The following LRRC4C variants were observed in gnomAD, a reference collection of about 807,000 sequenced individuals.
LRRC4C encodes leucine-rich repeat-containing protein 4C.
Under a neutral mutation model 33.6 loss-of-function variants are expected in LRRC4C, and 5 were observed. The ratio of observed to expected loss-of-function variants is 0.15; its 90% CI spans 0.08 to 0.31. LRRC4C has a LOEUF of 0.31. LRRC4C is among the 10% of genes least tolerant of loss of function. The pLI is 1.00. For synonymous variants in LRRC4C, 329 were observed against 302.0 expected, an observed-to-expected ratio of 1.09 and a Z score of -0.93; for missense variants, 560 against 796.7, an observed-to-expected ratio of 0.70 and a Z score of 3.58.
intron 2 of LRRC4C, among the ~76,000 whole-genome samples, chr11:40,736,860 GTTT>G (rs34208575): frequency 2.6e-4 from 37 of 142,432 alleles, no homozygotes; most frequent in South Asian, 6.6e-4. Context: ...TGATGCGGTT[GTTT>G]TTTTTTTTTT....
At chr11:40,712,807 C>A (rs1946530915) in intron 2 of LRRC4C, among the ~76,000 whole-genome samples, 1 of 151,898 alleles carries the variant, frequency 6.6e-6, no homozygotes, top group South Asian at 2.1e-4. Context: ...GATTAATAAA[C>A]CAAAGAGCAT....
At chr11:40,865,528 T>C (rs1954320345) in intron 2 of LRRC4C, among the ~76,000 whole-genome samples, 1 of 151,120 alleles carries the variant, frequency 6.6e-6, no homozygotes, top group Non-Finnish European at 1.5e-5. Flanking sequence ...TATATATATA[T>C]ATATAATTTC....
At chr11:40,332,661 C>T (rs1372516572) in intron 3 of LRRC4C, among the ~76,000 whole-genome samples, 2 of 152,112 alleles carry the variant, frequency 1.3e-5, no homozygotes, top group East Asian at 3.9e-4. Context: ...GTGTCTTATT[C>T]TTTCCACTTT....
chr11:40,923,236 C>T (rs1039909295), intron 2 of LRRC4C, among the ~76,000 whole-genome samples: 3 of 152,178 alleles, frequency 2.0e-5, no homozygotes, highest in African/African-American at 7.2e-5. Flanking sequence ...AAAGATCTAA[C>T]AATCAACGTG....
chr11:40,571,319 AT>A (rs202196595), intron 3 of LRRC4C, among the ~76,000 whole-genome samples: 39 of 151,764 alleles, frequency 2.6e-4, no homozygotes, highest in Non-Finnish European at 5.3e-4. Context: ...ACCGATGTTA[AT>A]TTTTTTTTAA....
chr11:40,420,796 A>G (rs1038572636), intron 3 of LRRC4C, among the ~76,000 whole-genome samples: 2 of 152,200 alleles, frequency 1.3e-5, no homozygotes, highest in Non-Finnish European at 2.9e-5. Flanking sequence ...TTTTGTTCAA[A>G]TGTTAAAGTC....
At chr11:41,112,660 T>C (rs76910067) in intron 1 of LRRC4C, among the ~76,000 whole-genome samples, 1,649 of 152,170 alleles carry the variant, frequency 0.011, 38 homozygotes, top group African/African-American at 0.038. Context: ...AATCATGTAC[T>C]CTCCTTTCTG....
chr11:40,414,584 A>G (rs1462828472), intron 3 of LRRC4C, among the ~76,000 whole-genome samples: 1 of 152,154 alleles, frequency 6.6e-6, no homozygotes, highest in Non-Finnish European at 1.5e-5. Context: ...TACAAAAGAA[A>G]GTAAATAGCA....
At chr11:41,383,295 A>G (rs1953228021) in intron 1 of LRRC4C, among the ~76,000 whole-genome samples, 1 of 152,082 alleles carries the variant, frequency 6.6e-6, no homozygotes, top group Admixed American at 6.6e-5. Context: ...GGAATTTGCC[A>G]TGACAGCTGG....
At chr11:40,631,564 A>C (rs148007435) in intron 3 of LRRC4C, among the ~76,000 whole-genome samples, 1 of 152,174 alleles carries the variant, frequency 6.6e-6, no homozygotes, top group South Asian at 2.1e-4. Context: ...AGTTATTTAT[A>C]TGTGGGAGGC....
intron 4 of LRRC4C, among the ~76,000 whole-genome samples, chr11:40,304,063 T>C (rs769780558): frequency 6.6e-6 from 1 of 152,124 alleles, no homozygotes; most frequent in African/African-American, 2.4e-5. Context: ...AATACAACAT[T>C]GAAAAAATGT....
At chr11:40,490,205 T>A (rs1954076622) in intron 3 of LRRC4C, among the ~76,000 whole-genome samples, 1 of 152,212 alleles carries the variant, frequency 6.6e-6, no homozygotes, top group South Asian at 2.1e-4. Flanking sequence ...TGGAGCTTTT[T>A]CACAAAGTTG....
At chr11:41,098,454 C>A (rs1408171051) in intron 1 of LRRC4C, among the ~76,000 whole-genome samples, 1 of 152,110 alleles carries the variant, frequency 6.6e-6, no homozygotes, top group Non-Finnish European at 1.5e-5. Context: ...AGGTGACTGG[C>A]TTTCTGCAAA....
intron 5 of LRRC4C, among the ~76,000 whole-genome samples, chr11:40,235,172 G>A (rs895665542): frequency 6.6e-6 from 1 of 152,184 alleles, no homozygotes; most frequent in Admixed American, 6.5e-5. Context: ...ACTATCTTGT[G>A]GCAGGACAAT....
intron 3 of LRRC4C, among the ~76,000 whole-genome samples, chr11:40,378,423 G>A (rs2137319378): frequency 6.6e-6 from 1 of 151,872 alleles, no homozygotes; most frequent in African/African-American, 2.4e-5. Context: ...TGCTTTGTAG[G>A]CATATTAGAT....
chr11:40,905,862 T>C (rs528193136), intron 2 of LRRC4C, among the ~76,000 whole-genome samples: 1 of 152,338 alleles, frequency 6.6e-6, no homozygotes, highest in Non-Finnish European at 1.5e-5. Flanking sequence ...TTACATGAAC[T>C]TAGTTGATAA....
At chr11:40,453,805 G>C (rs1459769599) in intron 3 of LRRC4C, among the ~76,000 whole-genome samples, 4 of 152,056 alleles carry the variant, frequency 2.6e-5, no homozygotes, top group Non-Finnish European at 5.9e-5. Context: ...CTTATGGTGG[G>C]GTGAGAAATC....
chr11:40,524,581 C>G (rs1049243737), intron 3 of LRRC4C, among the ~76,000 whole-genome samples: 1 of 152,086 alleles, frequency 6.6e-6, no homozygotes, highest in Admixed American at 6.5e-5. Flanking sequence ...ACTGCAATGA[C>G]ATTTTATATT....
At chr11:40,390,790 A>C (rs779136466) in intron 3 of LRRC4C, among the ~76,000 whole-genome samples, 88 of 152,306 alleles carry the variant, frequency 5.8e-4, no homozygotes, top group Middle Eastern at 6.8e-3. Flanking sequence ...GCCAAGTGTC[A>C]GGAGACTGTT....
Sources: gnomAD v4.1 joint callset for allele counts (sites outside exome capture counted in the v4.1 genomes callset) on GRCh38, gnomAD v4.1.1 for gene constraint, MANE v1.5 for transcripts, NCBI Gene and HGNC (gene_info 2026-07-23, HGNC 2026-07-21) for gene names.